ERCC4: variants seen among roughly 807,000 people sequenced by gnomAD.
The protein encoded by ERCC4 is DNA repair endonuclease XPF.
In ERCC4, 65 loss-of-function variants were observed where a neutral mutation model predicts 76.9. The observed-to-expected ratio is 0.84, with a 90% CI of 0.69 to 1.04. The LOEUF (loss-of-function observed/expected upper bound fraction) is 1.04, where lower values mean the gene tolerates loss of function less well. Ranked by LOEUF, ERCC4 falls within the 50% of genes least tolerant of loss-of-function variation. The pLI is 0.00. For missense variants in ERCC4, 1,214 were observed against 1,128.2 expected, an observed-to-expected ratio of 1.08 and a Z score of -1.09; for synonymous variants, 463 against 410.1, an observed-to-expected ratio of 1.13 and a Z score of -1.56.
chr16:13,936,499 G>A (rs3136154), intron 8 of ERCC4, among the ~76,000 whole-genome samples: 83 of 152,332 alleles, frequency 5.4e-4, no homozygotes, highest in African/African-American at 1.8e-3. Context: ...TAAATTTTTT[G>A]TACCGTGCTG....
At position 13,950,281 on chromosome 16, in the gene ERCC4, T is replaced by C. The variant is rs943087482; in HGVS notation, c.*1934T>C. 4 of 190,262 alleles carry C rather than the reference T, an allele frequency of 2.1e-5. No individual in the cohort carries two copies. The highest frequency in any genetic ancestry group is 9.3e-5 in the African/African-American group (4 of 42,936). The allele number at this position is 190,262 out of a possible 1,614,324, so 11.8% of individuals were successfully genotyped here. A position where few individuals can be genotyped will look rare whatever the true frequency, so the allele number is the denominator to read the frequency against. ...CACCCAACAAAATTATTTTTAACTG[T>C]CGTTTCTGAACTGAACCTCTCACAT... On this transcript the variant is annotated 3_prime_UTR_variant, in exon 11 of 11. Coordinates refer to ENST00000311895, the MANE Select transcript of ERCC4 (RefSeq NM_005236.3).
rs1173281962 is a variant in ERCC4 at position 13,948,201 on chromosome 16, C to T, written c.2605C>T (p.His869Tyr). 9 of 1,614,152 alleles carry T rather than the reference C, an allele frequency of 5.6e-6. No homozygotes were observed. The highest frequency in any genetic ancestry group is 7.6e-6 in the Non-Finnish European group (9 of 1,180,030). ...CAAAAACTGCCGCTCCTTGATGCAC[C>T]ACGTTAAGAACATCGCAGAATTAGC... ...NAKNCRSLMH[H>Y]VKNIAELAAL... Residue 869 changes from histidine to tyrosine, a missense_variant, in exon 11 of 11, where the codon CAC (histidine) becomes TAC (tyrosine). Physicochemically the swap from His to Tyr is moderately conservative, Grantham distance 83. Coordinates refer to ENST00000311895, the MANE Select transcript of ERCC4 (RefSeq NM_005236.3).
At chr16:13,926,933 A>C (rs2032083926) in intron 3 of ERCC4, 177 bp downstream of exon 3, 3 of 606,652 alleles carry the variant, frequency 4.9e-6, no homozygotes, top group Non-Finnish European at 8.7e-6. Flanking sequence ...GTATTCACCA[A>C]GTTTGTGGTT....
intron 10 of ERCC4, among the ~76,000 whole-genome samples, chr16:13,946,198 A>G (rs1168090043): frequency 6.6e-6 from 1 of 152,342 alleles, no homozygotes; most frequent in Non-Finnish European, 1.5e-5. Context: ...GCCTACCTAG[A>G]TAAGCCAGAT....
intron 10 of ERCC4, 119 bp from the exon 11 acceptor site, chr16:13,947,495 C>A: frequency 9.6e-7 from 1 of 1,042,208 alleles, no homozygotes; most frequent in African/African-American, 1.6e-5. Flanking sequence ...GGAATATTAC[C>A]ATATAGAATT....
intron 2 of ERCC4, among the ~76,000 whole-genome samples, chr16:13,925,544 C>T (rs1380032651): frequency 7.0e-6 from 1 of 142,732 alleles, no homozygotes; most frequent in Admixed American, 7.0e-5. Flanking sequence ...CCACCTCTAT[C>T]CAAAACTTAA....
At chr16:13,941,301 C>T (rs568559036) in intron 9 of ERCC4, among the ~76,000 whole-genome samples, 1 of 152,310 alleles carries the variant, frequency 6.6e-6, no homozygotes, top group East Asian at 1.9e-4. Flanking sequence ...TAAATAAGAT[C>T]TTCCCATTTT....
At chr16:13,936,242 A>G (rs1475638014) in intron 8 of ERCC4, among the ~76,000 whole-genome samples, 1 of 152,212 alleles carries the variant, frequency 6.6e-6, no homozygotes, top group Non-Finnish European at 1.5e-5. Context: ...CATCTACAGA[A>G]ATATCAGATG....
intron 9 of ERCC4, among the ~76,000 whole-genome samples, chr16:13,943,696 T>G (rs2032458698): frequency 6.6e-6 from 1 of 152,152 alleles, no homozygotes; most frequent in African/African-American, 2.4e-5. Flanking sequence ...TCCCCTCACC[T>G]TAGTCTGTTT....
At chr16:13,938,515 C>T (rs1005147729) in intron 9 of ERCC4, among the ~76,000 whole-genome samples, 2 of 152,136 alleles carry the variant, frequency 1.3e-5, no homozygotes, top group East Asian at 1.9e-4. Flanking sequence ...AACCACCTAC[C>T]AGGGATATTG....
rs1006749330 is a variant in ERCC4 at position 13,920,435 on chromosome 16, T to G, written c.207+63T>G. On this transcript the variant is annotated intron_variant, in intron 1 of 10. Transcript: ENST00000311895. Reference sequence around the variant, plus strand: ...GAGTGTTGAGGGCCTCCTGAGCGGATGCGAGGCCTCTGACAGGGATGGAGG... The same window carrying G: ...GAGTGTTGAGGGCCTCCTGAGCGGAGGCGAGGCCTCTGACAGGGATGGAGG... 2.8e-6 allele frequency: 4 copies of G among 1,406,392 alleles called. No homozygotes were observed. In the African/African-American group the frequency reaches 5.7e-5, roughly 20 times the overall value. The allele number at this position is 1,406,392 out of a possible 1,614,324, so 87.1% of individuals were successfully genotyped here. A position where few individuals can be genotyped will look rare whatever the true frequency, so the allele number is the denominator to read the frequency against.
chr16:13,927,513 C>T (rs919350635), intron 3 of ERCC4: 8 of 157,890 alleles, frequency 5.1e-5, no homozygotes, highest in Non-Finnish European at 9.3e-5. Context: ...GAGCTGAGAT[C>T]GCACCATTGC....
chr16:13,943,874 G>A (rs2032465455), intron 9 of ERCC4: 1 of 152,054 alleles, frequency 6.6e-6, no homozygotes, highest in Non-Finnish European at 1.5e-5. Context: ...GAAAAATAAA[G>A]CTACCGCAAA....
chr16:13,950,156 T>C lies in ERCC4; in HGVS notation c.*1809T>C, dbSNP rs1275514903. ...TTGTATTTTTAGTAGAGACGGGGTT[T>C]CACCATGTTGGCCAGGCTGGTCTCA... On this transcript the variant is annotated 3_prime_UTR_variant, in exon 11 of 11. Coordinates refer to ENST00000311895, the MANE Select transcript of ERCC4 (RefSeq NM_005236.3). The C allele has an allele frequency of 5.4e-6, 1 of 184,416 alleles. No individual in the cohort carries two copies. The highest frequency in any genetic ancestry group is 1.1e-5 in the Non-Finnish European group (1 of 87,028). 11.4% of individuals were successfully genotyped at this position (184,416 alleles called of 1,614,324 possible).
chr16:13,921,147 A>C (rs185833013), intron 1 of ERCC4, among the ~76,000 whole-genome samples: 1 of 145,646 alleles, frequency 6.9e-6, no homozygotes, highest in Admixed American at 6.8e-5. Context: ...GGAGACATGA[A>C]AGGAGATGCT....
At chr16:13,944,591 C>A in intron 9 of ERCC4, 132 bp from the exon 10 acceptor site, 1 of 698,006 alleles carries the variant, frequency 1.4e-6, no homozygotes, top group Non-Finnish European at 2.6e-6. Flanking sequence ...CTAATATATT[C>A]CTTGTTTTTG....
At chr16:13,926,380 T>C (rs983920608) in intron 2 of ERCC4, among the ~76,000 whole-genome samples, 181 bp from the exon 3 acceptor site, 3 of 151,614 alleles carry the variant, frequency 2.0e-5, no homozygotes, top group African/African-American at 7.3e-5. Flanking sequence ...ATATTTTACG[T>C]ATTTATATTG....
intron 5 of ERCC4, 81 bp downstream of exon 5, chr16:13,930,971 AG>A: frequency 1.1e-6 from 1 of 922,492 alleles, no homozygotes. Context: ...AGGTGTGAAA[AG>A]TGCTATATTC....
rs745834636 is a variant in ERCC4, at chr16:13,948,373, A to G, written c.*26A>G. On this transcript the variant is annotated 3_prime_UTR_variant, in exon 11 of 11. Coordinates refer to ENST00000311895, the MANE Select transcript of ERCC4 (RefSeq NM_005236.3). The stretch of plus-strand genomic sequence containing the variant: ...ACAGTGATGGCTGTTTTCTTATCCC[A>G]TGCCTGTACTTTTCAGCGGCTCCTT... 9 of 1,603,866 alleles carry G rather than the reference A, an allele frequency of 5.6e-6. No homozygotes were observed. The highest frequency in any genetic ancestry group is 7.6e-6 in the Non-Finnish European group (9 of 1,179,648).
Sources: gnomAD v4.1 joint callset for allele counts (sites outside exome capture counted in the v4.1 genomes callset) on GRCh38, gnomAD v4.1.1 for gene constraint, MANE v1.5 for transcripts, NCBI Gene and HGNC (gene_info 2026-07-23, HGNC 2026-07-21) for gene names.